Variants in VEZT observed in about 807,000 individuals in gnomAD.
The protein encoded by VEZT is vezatin, adherens junctions transmembrane protein, also known as vezatin.
A neutral mutation model predicts 79.9 loss-of-function variants in VEZT; 39 were observed. The ratio of observed to expected loss-of-function variants is 0.49; its 90% CI spans 0.38 to 0.64. VEZT has a LOEUF of 0.64. Ranked by LOEUF, VEZT falls within the 30% of genes least tolerant of loss-of-function variation. The pLI is 0.00. For missense variants in VEZT, 837 were observed against 893.1 expected, an observed-to-expected ratio of 0.94 and a Z score of 0.80; for synonymous variants, 325 against 327.6, an observed-to-expected ratio of 0.99 and a Z score of 0.09.
intron 5 of VEZT, among the ~76,000 whole-genome samples, chr12:95,268,612 T>G (rs1335799029): frequency 5.3e-5 from 8 of 152,220 alleles, no homozygotes; most frequent in Non-Finnish European, 7.3e-5. Context: ...CTGTGCCTTG[T>G]GTCATTTTCC....
At chr12:95,285,434 AC>A (rs1370412771) in intron 8 of VEZT, among the ~76,000 whole-genome samples, 1 of 152,120 alleles carries the variant, frequency 6.6e-6, no homozygotes, top group African/African-American at 2.4e-5. Flanking sequence ...ACAGAGTGAG[AC>A]CCTGTCTCAA....
intron 7 of VEZT, among the ~76,000 whole-genome samples, chr12:95,280,115 T>C (rs2139187431): frequency 6.6e-6 from 1 of 152,312 alleles, no homozygotes; most frequent in African/African-American, 2.4e-5. Context: ...AGTAACTTCC[T>C]TACTGGTTTC....
intron 3 of VEZT, among the ~76,000 whole-genome samples, chr12:95,261,005 TAAA>T (rs10626291): frequency 1.5e-5 from 2 of 131,282 alleles, no homozygotes. Flanking sequence ...CAGTAGATGG[TAAA>T]AAAAAAAAAA....
At chr12:95,261,790 C>A (rs1160831341) in intron 3 of VEZT, among the ~76,000 whole-genome samples, 2 of 152,178 alleles carry the variant, frequency 1.3e-5, no homozygotes, top group African/African-American at 4.8e-5. Flanking sequence ...ACACAGCTAC[C>A]AAACGCTTAG....
Position 95,251,957 on chromosome 12 carries a change from A to G in VEZT, c.54A>G (p.Gln18=), listed in dbSNP as rs757253007. ...TTTTTCAGAATTCTCCACTTTACCA[A>G]TACTTACAGGATCTGGGACACACAG... ...EVVFENSPLY[Q]YLQDLGHTDF... The change falls in exon 2 of 12, where the codon CAA becomes CAG. Residue 18 remains glutamine, a synonymous_variant. Coordinates refer to ENST00000436874, the MANE Select transcript of VEZT (RefSeq NM_017599.4). The G allele has an allele frequency of 6.2e-7, 1 of 1,606,950 alleles. No homozygotes were observed. The highest frequency in any genetic ancestry group is 1.1e-5 in the South Asian group (1 of 89,174).
chr12:95,255,891 T>C (rs906870649), intron 2 of VEZT, among the ~76,000 whole-genome samples: 14 of 152,224 alleles, frequency 9.2e-5, no homozygotes, highest in Admixed American at 2.0e-4. Context: ...TATTATGGTG[T>C]GTAAGTCTAA....
chr12:95,218,553 T>C (rs1307808762), intron 1 of VEZT: 1 of 152,174 alleles, frequency 6.6e-6, no homozygotes, highest in South Asian at 2.1e-4. Flanking sequence ...ATGAAAAAAA[T>C]CGGGCGAGTG....
intron 1 of VEZT, among the ~76,000 whole-genome samples, chr12:95,237,480 G>T (rs949393503): frequency 2.0e-5 from 3 of 152,094 alleles, no homozygotes; most frequent in African/African-American, 7.2e-5. Flanking sequence ...GTATCAAGCA[G>T]AATTATCAGC....
At chr12:95,268,580 G>A (rs1280665598) in intron 5 of VEZT, among the ~76,000 whole-genome samples, 9 of 152,158 alleles carry the variant, frequency 5.9e-5, no homozygotes, top group Non-Finnish European at 1.0e-4. Flanking sequence ...TTCAACTAAT[G>A]GTTAGGCGTG....
intron 6 of VEZT, among the ~76,000 whole-genome samples, chr12:95,271,627 G>A (rs7135879): frequency 0.15 from 23,401 of 152,160 alleles, 1,883 homozygotes; most frequent in African/African-American, 0.18. Flanking sequence ...GTCATTCAGT[G>A]AATATTTATG....
intron 1 of VEZT, among the ~76,000 whole-genome samples, chr12:95,235,648 G>A: frequency 7.0e-6 from 1 of 143,190 alleles, no homozygotes; most frequent in African/African-American, 2.6e-5. Context: ...TCCCGGATGG[G>A]GCGGCTGGCC....
Position 95,294,309 on chromosome 12 carries a change from A to G in VEZT, c.1560A>G (p.Thr520=), listed in dbSNP as rs1346534819. Residue 520 remains threonine, a synonymous_variant, in exon 10 of 12, where the codon ACA becomes ACG. Transcript: ENST00000436874. ...PEIACENPHC[T]VVPLKQPTLH... is the part of the protein sequence containing the mutation. ...TAGCATGTGAAAACCCACATTGTAC[A>G]GTAGTACCTTTGAAGCAGCCTACTC... The G allele has an allele frequency of 3.1e-6, 5 of 1,594,252 alleles. No individual in the cohort carries two copies. The highest frequency in any genetic ancestry group is 2.3e-5 in the South Asian group (2 of 87,222).
rs867379921 is a variant in VEZT at position 95,300,299 on chromosome 12, A to G, written c.1966A>G (p.Asn656Asp). 1.9e-6 allele frequency: 3 copies of G among 1,608,722 alleles called. No homozygotes were observed. The highest frequency in any genetic ancestry group is 2.7e-5 in the African/African-American group (2 of 74,852). Residue 656 changes from asparagine to aspartate, a missense_variant, in exon 12 of 12, where the codon AAT (asparagine) becomes GAT (aspartate). Asn to Asp is a conservative substitution (Grantham distance 23). Coordinates refer to ENST00000436874, the MANE Select transcript of VEZT (RefSeq NM_017599.4). Reference sequence around the variant, plus strand: ...AAGTAATAAATCCGCCACAACAGACAATGAAATAAGTAGGACTGAGTATTT... The same window carrying G: ...AAGTAATAAATCCGCCACAACAGACGATGAAATAAGTAGGACTGAGTATTT... ...EESNKSATTDNEISRTEYLCE... is the reference protein window; with the variant it reads ...EESNKSATTDDEISRTEYLCE...
intron 6 of VEZT, among the ~76,000 whole-genome samples, chr12:95,274,093 G>C (rs1018300867): frequency 6.6e-6 from 1 of 152,146 alleles, no homozygotes; most frequent in African/African-American, 2.4e-5. Flanking sequence ...GAGAGGAAAA[G>C]AATATTTACT....
At chr12:95,270,555 C>T (rs773803356) in intron 6 of VEZT, among the ~76,000 whole-genome samples, 46 of 152,160 alleles carry the variant, frequency 3.0e-4, no homozygotes, top group Non-Finnish European at 1.8e-4. Flanking sequence ...ACTGGAAATC[C>T]TTCCCTTTTC....
chr12:95,238,352 A>G (rs763810067), intron 1 of VEZT, among the ~76,000 whole-genome samples: 2 of 152,212 alleles, frequency 1.3e-5, no homozygotes, highest in Non-Finnish European at 2.9e-5. Context: ...CTCAATGCCT[A>G]GTAAATAAGC....
chr12:95,233,174 A>C (rs2059508057), intron 1 of VEZT, among the ~76,000 whole-genome samples: 1 of 151,850 alleles, frequency 6.6e-6, no homozygotes, highest in South Asian at 2.1e-4. Context: ...TCATGTAATT[A>C]GGTACCTTCT....
At chr12:95,240,034 A>G in intron 1 of VEZT, among the ~76,000 whole-genome samples, 1 of 91,298 alleles carries the variant, frequency 1.1e-5, no homozygotes, top group African/African-American at 4.0e-5. Flanking sequence ...GGAAGGAAGG[A>G]AGGAAGGAAG....
intron 1 of VEZT, among the ~76,000 whole-genome samples, chr12:95,236,111 A>C: frequency 6.6e-6 from 1 of 152,108 alleles, no homozygotes; most frequent in Non-Finnish European, 1.5e-5. Context: ...AGATCACGCC[A>C]CTGCACTCCA....
Sources: allele counts gnomAD v4.1 joint callset (sites outside exome capture counted in the v4.1 genomes callset), GRCh38; gene constraint gnomAD v4.1.1; transcripts MANE v1.5; gene names NCBI Gene and HGNC (gene_info 2026-07-23, HGNC 2026-07-21).